The following ADAM12 variants were observed in gnomAD, a reference collection of about 807,000 sequenced individuals.
The protein encoded by ADAM12 is ADAM metallopeptidase domain 12, also known as disintegrin and metalloproteinase domain-containing protein 12.
ADAM12 carries 70 observed loss-of-function variants against 106.4 expected under a neutral mutation model. The observed-to-expected ratio is 0.66, with a 90% CI of 0.54 to 0.80. ADAM12 has a LOEUF of 0.80. Among genes scored for constraint, ADAM12 ranks in the 30% least tolerant of loss-of-function variants. The pLI is 0.00. For missense variants in ADAM12, 1,010 were observed against 1,171.9 expected (o/e 0.86, Z 2.02); for synonymous variants, 420 against 433.5 (o/e 0.97, Z 0.39).
chr10:126,270,549 C>T (rs1959170053), intron 3 of ADAM12, among the ~76,000 whole-genome samples: 2 of 152,286 alleles, frequency 1.3e-5, no homozygotes, highest in South Asian at 4.1e-4. Context: ...TTTAAATAGC[C>T]ACATGTGGCT....
chr10:126,118,860 A>G (rs1020579266), intron 5 of ADAM12, among the ~76,000 whole-genome samples: 1 of 152,086 alleles, frequency 6.6e-6, no homozygotes. Context: ...AGAAAATGCC[A>G]TATTTGTTTT....
chr10:126,058,741 G>A (rs777254795), intron 14 of ADAM12, among the ~76,000 whole-genome samples: 8 of 152,206 alleles, frequency 5.3e-5, no homozygotes, highest in South Asian at 2.1e-4. Context: ...AGTGCTTCCC[G>A]TGGCTTTTGT....
intron 3 of ADAM12, among the ~76,000 whole-genome samples, chr10:126,220,576 T>C (rs1189318139): frequency 1.3e-5 from 2 of 152,202 alleles, no homozygotes; most frequent in East Asian, 3.9e-4. Flanking sequence ...ATTTGGAACA[T>C]ACTTATAAAA....
intron 3 of ADAM12, among the ~76,000 whole-genome samples, chr10:126,274,983 T>C (rs1364050639): frequency 6.6e-6 from 1 of 152,218 alleles, no homozygotes; most frequent in Non-Finnish European, 1.5e-5. Context: ...CTGTAAGAGA[T>C]GTCTGGAATC....
chr10:126,213,663 C>T (rs755465943), intron 3 of ADAM12, among the ~76,000 whole-genome samples: 7 of 152,152 alleles, frequency 4.6e-5, no homozygotes, highest in Non-Finnish European at 1.0e-4. Context: ...ATATTCTTAT[C>T]CTTAAATCTC....
At position 126,066,206 on chromosome 10, in the gene ADAM12, G is replaced by A. The variant is rs915395293; in HGVS notation, c.1413+511C>T. On this transcript the variant is annotated intron_variant, in intron 13 of 22. Transcript: ENST00000448723. The surrounding 1 kb of genome is among the most constrained non-coding windows in gnomAD (Gnocchi z 5.1). ...CGCAGTCCTAGCCAGCAGCAATGGC[G>A]AGAGTATAAAACTGCCATTCTTGGC... Among the ~76,000 whole-genome samples, 3 of 152,226 alleles carry A rather than the reference G, an allele frequency of 2.0e-5. No individual in the cohort carries two copies. The highest frequency in any genetic ancestry group is 4.8e-5 in the African/African-American group (2 of 41,452).
intron 3 of ADAM12, among the ~76,000 whole-genome samples, chr10:126,238,219 C>A (rs182519277): frequency 4.6e-5 from 7 of 152,330 alleles, no homozygotes; most frequent in Non-Finnish European, 1.0e-4. Flanking sequence ...GTGGCTCACG[C>A]CTGTAATCTC....
intron 18 of ADAM12, chr10:126,041,831 TTGC>T: frequency 8.3e-7 from 1 of 1,204,520 alleles, no homozygotes; most frequent in Admixed American, 4.1e-5. Flanking sequence ...CTCTTCCTCC[TTGC>T]TGCAGGGCTG....
Position 126,014,620 on chromosome 10 carries a change from T to G in ADAM12, c.*2659A>C, listed in dbSNP as rs1435614895. On this transcript the variant is annotated 3_prime_UTR_variant, in exon 23 of 23. Coordinates refer to ENST00000448723, the MANE Select transcript of ADAM12 (RefSeq NM_001288973.2). Reference sequence around the variant, plus strand: ...CGGTTGCTACACATCTGATTACATGTGTCAGGAAAACAAACTTAAAAAATT... The same window carrying G: ...CGGTTGCTACACATCTGATTACATGGGTCAGGAAAACAAACTTAAAAAATT... 1 of 152,112 alleles carries G rather than the reference T, an allele frequency of 6.6e-6. No homozygotes were observed. The highest frequency in any genetic ancestry group is 1.5e-5 in the Non-Finnish European group (1 of 68,036). The allele number at this position is 152,112 out of a possible 1,614,324, so 9.4% of individuals were successfully genotyped here.
chr10:126,036,865 C>T (rs573394826), intron 20 of ADAM12, among the ~76,000 whole-genome samples: 48 of 152,304 alleles, frequency 3.2e-4, no homozygotes, highest in African/African-American at 1.2e-3. Flanking sequence ...TCTACCCCTT[C>T]CTTCCTCTCT....
At chr10:126,214,882 C>A in intron 3 of ADAM12, among the ~76,000 whole-genome samples, 1 of 152,214 alleles carries the variant, frequency 6.6e-6, no homozygotes, top group East Asian at 1.9e-4. Context: ...GATTAGGATG[C>A]CACTCGGCTG....
intron 5 of ADAM12, among the ~76,000 whole-genome samples, chr10:126,132,984 C>G (rs2133670143): frequency 6.6e-6 from 1 of 152,222 alleles, no homozygotes; most frequent in Non-Finnish European, 1.5e-5. Flanking sequence ...GACCCTATCC[C>G]CACTCCCTTT....
Position 126,036,205 on chromosome 10 carries a change from G to C in ADAM12, c.2470C>G (p.Arg824Gly). Residue 824 changes from arginine (R) to glycine (G), a missense_variant, in exon 21 of 23, where the codon CGT becomes GGT. Arg to Gly is a moderately radical substitution (Grantham distance 125). Around this residue, in one of 3 missense-constraint regions of ADAM12, gnomAD observed 615 missense variants for 708.5 expected, o/e 0.87. Coordinates refer to ENST00000448723, the MANE Select transcript of ADAM12 (RefSeq NM_001288973.2). Reference sequence around the variant, plus strand: ...GGTCTGGCAGGGACGCTAGGTGCACGTGGAGCCCGGTGGAGGGGAGGAAGC... The same window carrying C: ...GGTCTGGCAGGGACGCTAGGTGCACCTGGAGCCCGGTGGAGGGGAGGAAGC... Reference protein sequence around the residue: ...RVLPPLHRAPRAPSVPARPLP... With the variant: ...RVLPPLHRAPGAPSVPARPLP... The C allele has an allele frequency of 6.5e-7, 1 of 1,546,444 alleles. No homozygotes were observed. The highest frequency in any genetic ancestry group is 1.2e-5 in the South Asian group (1 of 81,210).
At chr10:126,339,847 C>CTTTTTTTTTTTTTT (rs146232567) in intron 1 of ADAM12, among the ~76,000 whole-genome samples, 1 of 75,712 alleles carries the variant, frequency 1.3e-5, no homozygotes, top group Non-Finnish European at 2.3e-5. Context: ...CATTCTAGGG[C>CTTTTTTTTTTTTTT]TTTTTTTTTT....
At chr10:126,276,083 T>C (rs985358011) in intron 3 of ADAM12, among the ~76,000 whole-genome samples, 6 of 152,244 alleles carry the variant, frequency 3.9e-5, no homozygotes, top group African/African-American at 1.4e-4. Context: ...AATTGTTGTA[T>C]GGTATCCTGT....
chr10:126,124,292 CT>C (rs763534062), intron 5 of ADAM12, among the ~76,000 whole-genome samples: 4,369 of 141,816 alleles, frequency 0.031, 81 homozygotes, highest in Middle Eastern at 0.04. Context: ...TTAATTTCGG[CT>C]TTTTTTTTTT....
intron 21 of ADAM12, among the ~76,000 whole-genome samples, chr10:126,027,499 A>C (rs1953896308): frequency 6.6e-6 from 1 of 152,218 alleles, no homozygotes; most frequent in African/African-American, 2.4e-5. Flanking sequence ...ATCTGGCAGC[A>C]CATCAAAAAG....
intron 10 of ADAM12, among the ~76,000 whole-genome samples, chr10:126,094,577 G>T (rs973802024): frequency 1.2e-4 from 19 of 152,292 alleles, no homozygotes; most frequent in African/African-American, 4.6e-4. Context: ...GTGCAAGCAC[G>T]CTTAATGACA....
At chr10:126,162,925 G>A (rs1054821163) in intron 3 of ADAM12, among the ~76,000 whole-genome samples, 3 of 152,172 alleles carry the variant, frequency 2.0e-5, no homozygotes, top group Admixed American at 1.3e-4. Flanking sequence ...TTTGGATTGT[G>A]GGGGCGGATC....
Sources: gnomAD v4.1 joint callset for allele counts (sites outside exome capture counted in the v4.1 genomes callset) on GRCh38, gnomAD v4.1.1 for gene constraint, gnomAD v4.1.1 regional missense constraint, Gnocchi (gnomAD v3.1) non-coding constraint, MANE v1.5 for transcripts, NCBI Gene and HGNC (gene_info 2026-07-23, HGNC 2026-07-21) for gene names.